The following YBEY variants were observed in gnomAD, a reference collection of about 807,000 sequenced individuals.
The protein encoded by YBEY is endoribonuclease YbeY.
YBEY carries 15 observed loss-of-function variants against 13.5 expected under a neutral mutation model. That is an observed-to-expected ratio of 1.11 (90% CI 0.75 to 1.72). The LOEUF (loss-of-function observed/expected upper bound fraction) is 1.72, where lower values mean the gene tolerates loss of function less well. YBEY is among the 40% of genes most tolerant of loss of function. The pLI, the probability that YBEY is intolerant of heterozygous loss-of-function variation, is 0.00. For synonymous variants in YBEY, 101 were observed against 83.1 expected, an observed-to-expected ratio of 1.21 and a Z score of -1.17; for missense variants, 244 against 208.4, an observed-to-expected ratio of 1.17 and a Z score of -1.05.
At chr21:46,296,084 CTGTGGCCCTGG>C in intron 3 of YBEY, 67 bp from the exon 4 acceptor site, 1 of 1,521,260 alleles carries the variant, frequency 6.6e-7, no homozygotes, top group South Asian at 1.1e-5. Context: ...CAAGAGCAGC[CTGTGGCCCTGG>C]GGTGGCCCTG....
At chr21:46,310,725 G>A in the YBEY span, among the ~76,000 whole-genome samples, 1 of 151,660 alleles carries the variant, frequency 6.6e-6, no homozygotes, top group Non-Finnish European at 1.5e-5. Context: ...AGGAGAAGTC[G>A]CTTGAACCCA....
At chr21:46,312,908 A>T in the YBEY span, 3 of 741,150 alleles carry the variant, frequency 4.0e-6, no homozygotes, top group Non-Finnish European at 4.9e-6. Context: ...TATATAGAAC[A>T]CGTCATGAAA....
At chr21:46,289,363 T>C (rs2081597073) in intron 2 of YBEY, among the ~76,000 whole-genome samples, 1 of 152,082 alleles carries the variant, frequency 6.6e-6, no homozygotes, top group Non-Finnish European at 1.5e-5. Context: ...GATAGAGCAT[T>C]GCAGTGAAAA....
At chr21:46,310,124 G>A in the YBEY span, among the ~76,000 whole-genome samples, 2 of 152,182 alleles carry the variant, frequency 1.3e-5, no homozygotes, top group African/African-American at 2.4e-5. Context: ...AAACTTTGGA[G>A]GTGATGGATA....
chr21:46,295,187 T>C (rs1402677695), intron 3 of YBEY, among the ~76,000 whole-genome samples: 1 of 151,996 alleles, frequency 6.6e-6, no homozygotes, highest in Non-Finnish European at 1.5e-5. Flanking sequence ...CCCAGAGCCC[T>C]CTCCTTGGGG....
At chr21:46,296,845 T>G (rs1023454544) in intron 4 of YBEY, among the ~76,000 whole-genome samples, 1 of 149,300 alleles carries the variant, frequency 6.7e-6, no homozygotes, top group African/African-American at 2.5e-5. Flanking sequence ...AAATACAAAA[T>G]TAGCTGGGCC....
At chr21:46,289,469 G>A (rs1387879069) in intron 2 of YBEY, among the ~76,000 whole-genome samples, 10 of 114,894 alleles carry the variant, frequency 8.7e-5, no homozygotes, top group Non-Finnish European at 1.7e-4. Flanking sequence ...TTTTTGAGAC[G>A]GAGGCTTGCT....
downstream of YBEY, among the ~76,000 whole-genome samples, chr21:46,299,932 G>T (rs2082065035): frequency 6.6e-6 from 1 of 152,130 alleles, no homozygotes; most frequent in African/African-American, 2.4e-5. Context: ...GTGTATGGGG[G>T]TGAGCTCATC....
At chr21:46,286,703 C>T (rs1027103870) in intron 1 of YBEY, 167 bp from the exon 2 acceptor site, 1 of 472,498 alleles carries the variant, frequency 2.1e-6, no homozygotes, top group Non-Finnish European at 3.7e-6. Flanking sequence ...CCGCGGCATC[C>T]TTCCATAGAC....
the YBEY span, among the ~76,000 whole-genome samples, chr21:46,307,613 A>G: frequency 1.3e-5 from 2 of 152,346 alleles, no homozygotes; most frequent in South Asian, 2.1e-4. Context: ...ATGGATCACA[A>G]TAGGAAAGGT....
rs897998172 is a variant in YBEY at position 46,292,528 on chromosome 21, G to C, written c.339+1066G>C. Among the ~76,000 whole-genome samples the C allele has an allele frequency of 1.1e-4, 16 of 150,986 alleles. 1 individual carries two copies. The highest frequency in any genetic ancestry group is 3.9e-4 in the African/African-American group (16 of 41,034). On this transcript the variant is annotated intron_variant, in intron 3 of 4. Transcript: ENST00000397701. ...ATTCCTCCCGTGGTTAGCTTGGCCT[G>C]TGCCCGGGACTGAGTGGGGACAGCC...
intron 4 of YBEY, among the ~76,000 whole-genome samples, chr21:46,296,610 G>A (rs977195533): frequency 6.6e-6 from 1 of 152,164 alleles, no homozygotes; most frequent in Non-Finnish European, 1.5e-5. Context: ...GGCCCACGTG[G>A]GCTCCGGTCC....
chr21:46,304,311 T>C, the YBEY span, among the ~76,000 whole-genome samples: 1 of 151,790 alleles, frequency 6.6e-6, no homozygotes, highest in East Asian at 1.9e-4. Flanking sequence ...ATTACAGGCG[T>C]GAGCCACTGC....
chr21:46,311,517 G>T, the YBEY span: 3 of 1,612,618 alleles, frequency 1.9e-6, no homozygotes, highest in South Asian at 2.2e-5. Flanking sequence ...TCTGTGCTAT[G>T]AGTGGCTGCT....
downstream of YBEY, among the ~76,000 whole-genome samples, chr21:46,298,587 G>T (rs1211194542): frequency 1.3e-5 from 2 of 151,364 alleles, no homozygotes; most frequent in Non-Finnish European, 2.9e-5. Context: ...CCGCCACCTC[G>T]CCCGGCTAAT....
intron 3 of YBEY, among the ~76,000 whole-genome samples, chr21:46,292,400 C>T (rs1295896678): frequency 6.6e-6 from 1 of 152,222 alleles, no homozygotes; most frequent in East Asian, 1.9e-4. Flanking sequence ...TCTTGTGGCC[C>T]TTCACAAGCT....
chr21:46,297,776 T>C (rs1346287957), downstream of YBEY: 2 of 1,234,756 alleles, frequency 1.6e-6, no homozygotes, highest in Non-Finnish European at 2.0e-6. Flanking sequence ...TTTTTCGTTA[T>C]TGTAAATAAA....
chr21:46,286,683 T>C (rs1338488711), intron 1 of YBEY, 187 bp from the exon 2 acceptor site: 2 of 360,808 alleles, frequency 5.5e-6, no homozygotes, highest in South Asian at 3.9e-5. Context: ...GGAGTCCTTC[T>C]GGCCGGATTC....
intron 1 of YBEY, 80 bp from the exon 2 acceptor site, chr21:46,286,789 TC>T: frequency 1.3e-6 from 1 of 790,460 alleles, no homozygotes; most frequent in Non-Finnish European, 2.0e-6. Flanking sequence ...AATAAAGTGA[TC>T]TGATTGCGCG....
Sources: gnomAD v4.1 joint callset for allele counts (sites outside exome capture counted in the v4.1 genomes callset) on GRCh38, gnomAD v4.1.1 for gene constraint, MANE v1.5 for transcripts, NCBI Gene and HGNC (gene_info 2026-07-23, HGNC 2026-07-21) for gene names.